The following NAV2 variants were observed in gnomAD, a reference collection of about 807,000 sequenced individuals.
NAV2 encodes the protein neuron navigator 2, also known as helicase, APC down-regulated 1.
A neutral mutation model predicts 223.2 loss-of-function variants in NAV2; 54 were observed. The observed-to-expected ratio is 0.24, with a 90% CI of 0.19 to 0.30. The LOEUF (loss-of-function observed/expected upper bound fraction) is 0.30. Among genes scored for constraint, NAV2 ranks in the 10% least tolerant of loss-of-function variants. The pLI, the probability that NAV2 is intolerant of heterozygous loss-of-function variation, is 1.00. For missense variants in NAV2, 2,806 were observed against 3,147.5 expected (o/e 0.89, Z 2.60); for synonymous variants, 1,279 against 1,239.3 (o/e 1.03, Z -0.67).
chr11:19,910,806 C>T (rs552064806), intron 6 of NAV2, among the ~76,000 whole-genome samples: 3 of 152,032 alleles, frequency 2.0e-5, no homozygotes, highest in African/African-American at 4.8e-5. Context: ...TGCAGTGAGC[C>T]GAGATAGTGC....
chr11:19,663,675 CAGAT>C (rs2048344156), intron 1 of NAV2, among the ~76,000 whole-genome samples: 1 of 152,170 alleles, frequency 6.6e-6, no homozygotes, highest in South Asian at 2.1e-4. Context: ...TCCTTCCTTT[CAGAT>C]GAACATAGAA....
chr11:19,578,677 T>C (rs2045633093), intron 1 of NAV2, among the ~76,000 whole-genome samples: 1 of 152,230 alleles, frequency 6.6e-6, no homozygotes, highest in African/African-American at 2.4e-5. Flanking sequence ...TTGTGCAATA[T>C]GTTGACCATC....
chr11:20,090,723 T>G, intron 26 of NAV2, 142 bp from the exon 27 acceptor site: 1 of 739,184 alleles, frequency 1.4e-6, no homozygotes, highest in Non-Finnish European at 2.1e-6. Flanking sequence ...TTCAGGTGCT[T>G]TTGGCATTGT....
intron 1 of NAV2, among the ~76,000 whole-genome samples, chr11:19,463,452 C>A (rs1267228123): frequency 6.6e-6 from 1 of 152,230 alleles, no homozygotes; most frequent in Non-Finnish European, 1.5e-5. Context: ...CAACTTTAGC[C>A]TCCTTCTCCA....
At chr11:19,616,304 C>CTGTGTG (rs113035353) in intron 1 of NAV2, among the ~76,000 whole-genome samples, 23,245 of 140,480 alleles carry the variant, frequency 0.17, 2,491 homozygotes, top group African/African-American at 0.3. Context: ...TTGCTTCTGA[C>CTGTGTG]TGTGTGTGTG....
intron 1 of NAV2, among the ~76,000 whole-genome samples, chr11:19,828,019 C>A (rs1421812184): frequency 6.6e-6 from 1 of 152,106 alleles, no homozygotes; most frequent in Non-Finnish European, 1.5e-5. Context: ...ATGGCACCAT[C>A]TGTAGTCCCA....
chr11:19,825,856 T>TG (rs2059620296), intron 1 of NAV2, among the ~76,000 whole-genome samples: 1 of 152,252 alleles, frequency 6.6e-6, no homozygotes, highest in Non-Finnish European at 1.5e-5. Flanking sequence ...AAACAAATGA[T>TG]GCACTCCTTA....
At chr11:20,046,590 T>G (rs989416108) in intron 14 of NAV2, among the ~76,000 whole-genome samples, 2 of 35,170 alleles carry the variant, frequency 5.7e-5, no homozygotes, top group African/African-American at 1.5e-4. Flanking sequence ...AACTTCCCCC[T>G]CCCCATCACA....
At chr11:19,893,720 A>G (rs990915202) in intron 6 of NAV2, among the ~76,000 whole-genome samples, 1 of 152,158 alleles carries the variant, frequency 6.6e-6, no homozygotes. Flanking sequence ...AATGGCACTA[A>G]CGCCATCACC....
At chr11:19,971,766 C>T (rs553138775) in intron 10 of NAV2, among the ~76,000 whole-genome samples, 19 of 152,334 alleles carry the variant, frequency 1.2e-4, no homozygotes, top group African/African-American at 4.3e-4. Flanking sequence ...TGCAGTGGCA[C>T]GATCTTGGCT....
At chr11:19,741,343 C>T (rs1036886075) in intron 1 of NAV2, among the ~76,000 whole-genome samples, 2 of 151,962 alleles carry the variant, frequency 1.3e-5, no homozygotes, top group African/African-American at 4.8e-5. Context: ...CCTCATGCTG[C>T]ACTTTAGATC....
intron 5 of NAV2, among the ~76,000 whole-genome samples, chr11:19,881,552 T>C (rs945248796): frequency 1.3e-5 from 2 of 152,204 alleles, no homozygotes; most frequent in African/African-American, 4.8e-5. Context: ...TAAATTGCTA[T>C]ATGGCTCTCA....
At chr11:19,866,319 A>G (rs961187824) in intron 3 of NAV2, among the ~76,000 whole-genome samples, 1 of 152,210 alleles carries the variant, frequency 6.6e-6, no homozygotes, top group African/African-American at 2.4e-5. Context: ...CCATTGTGAC[A>G]GCCCCAAACG....
chr11:20,097,804 C>T, intron 31 of NAV2, 59 bp downstream of exon 31: 1 of 1,465,068 alleles, frequency 6.8e-7, no homozygotes, highest in Non-Finnish European at 9.2e-7. Flanking sequence ...TGTTTTGTGA[C>T]TTGGCATAGG....
At chr11:19,697,236 T>A (rs1318745314) in intron 1 of NAV2, among the ~76,000 whole-genome samples, 1 of 152,054 alleles carries the variant, frequency 6.6e-6, no homozygotes, top group Non-Finnish European at 1.5e-5. Flanking sequence ...TGAATACACA[T>A]GGTGGTAAAG....
intron 6 of NAV2, among the ~76,000 whole-genome samples, chr11:19,932,236 CAA>C (rs398015484): frequency 5.9e-4 from 47 of 78,992 alleles, no homozygotes; most frequent in African/African-American, 1.8e-3. Flanking sequence ...CACTCTTAAG[CAA>C]AAAAAAAAAA....
At chr11:20,023,699 G>GGGGTGTGTGTGTGT (rs1554902313) in intron 11 of NAV2, among the ~76,000 whole-genome samples, 25 of 144,678 alleles carry the variant, frequency 1.7e-4, no homozygotes, top group African/African-American at 4.1e-4. Context: ...CAAATTGCTG[G>GGGGTGTGTGTGTGT]GTGTGTGTGT....
At chr11:19,491,367 C>G (rs1429284149) in intron 1 of NAV2, among the ~76,000 whole-genome samples, 1 of 152,176 alleles carries the variant, frequency 6.6e-6, no homozygotes, top group South Asian at 2.1e-4. Flanking sequence ...GTTTAGTGTA[C>G]CCACCTTCAT....
At chr11:19,591,675 G>A (rs368675330) in intron 1 of NAV2, among the ~76,000 whole-genome samples, 14 of 152,212 alleles carry the variant, frequency 9.2e-5, no homozygotes, top group Non-Finnish European at 1.2e-4. Context: ...AAAATTCCAC[G>A]GTCCAGAACA....
Sources: gnomAD v4.1 joint callset for allele counts (sites outside exome capture counted in the v4.1 genomes callset) on GRCh38, gnomAD v4.1.1 for gene constraint, MANE v1.5 for transcripts, NCBI Gene and HGNC (gene_info 2026-07-23, HGNC 2026-07-21) for gene names.